Variants in TDRD3 observed in about 807,000 individuals in gnomAD.
TDRD3 encodes the protein tudor domain-containing protein 3.
A neutral mutation model predicts 86.7 loss-of-function variants in TDRD3; 45 were observed. That is an observed-to-expected ratio of 0.52 (90% confidence interval 0.41 to 0.67). The LOEUF is 0.67. Among genes scored for constraint, TDRD3 ranks in the 30% least tolerant of loss-of-function variants. The pLI, the probability that TDRD3 is intolerant of heterozygous loss-of-function variation, is 0.00. For synonymous variants in TDRD3, 298 were observed against 301.7 expected (o/e 0.99, Z 0.13); for missense variants, 814 against 889.0 (o/e 0.92, Z 1.07).
intron 3 of TDRD3, among the ~76,000 whole-genome samples, chr13:60,454,977 G>A (rs890847182): frequency 6.6e-6 from 1 of 151,968 alleles, no homozygotes; most frequent in African/African-American, 2.4e-5. Flanking sequence ...GCAGTGGCGC[G>A]ATCTCGGCTC....
At chr13:60,510,818 A>C (rs977321052) in intron 10 of TDRD3, 63 bp downstream of exon 10, 16 of 992,176 alleles carry the variant, frequency 1.6e-5, no homozygotes, top group African/African-American at 2.5e-5. Context: ...TTTTTTTTTT[A>C]GCGTATTTCT....
intron 12 of TDRD3, among the ~76,000 whole-genome samples, chr13:60,563,132 G>A (rs1398439668): frequency 1.3e-5 from 2 of 151,914 alleles, no homozygotes; most frequent in African/African-American, 2.4e-5. Flanking sequence ...GGAGGCTGAG[G>A]GGGGAGAATC....
At chr13:60,420,901 G>T (rs112238294) in intron 1 of TDRD3, among the ~76,000 whole-genome samples, 3 of 152,096 alleles carry the variant, frequency 2.0e-5, no homozygotes, top group Non-Finnish European at 4.4e-5. Context: ...CCGAGATCAC[G>T]TCACTGTGCT....
chr13:60,535,365 A>G (rs1957676979), intron 12 of TDRD3, 132 bp downstream of exon 12: 5 of 992,546 alleles, frequency 5.0e-6, no homozygotes, highest in Non-Finnish European at 6.8e-6. Context: ...GGCTACCCCT[A>G]AAGTAAGATT....
At chr13:60,443,106 G>C (rs1477536377) in intron 2 of TDRD3, among the ~76,000 whole-genome samples, 1 of 151,788 alleles carries the variant, frequency 6.6e-6, no homozygotes, top group Non-Finnish European at 1.5e-5. Context: ...TGTATGTTCA[G>C]ATGATTAAAA....
At chr13:60,485,969 A>G (rs377743527) in intron 7 of TDRD3, 21 bp downstream of exon 7, 59 of 1,583,396 alleles carry the variant, frequency 3.7e-5, no homozygotes, top group Non-Finnish European at 4.9e-5. Context: ...AAATCATTAC[A>G]CGTTTTATTT....
chr13:60,419,788 TTAAAG>T (rs553449572), intron 1 of TDRD3, among the ~76,000 whole-genome samples: 233 of 151,008 alleles, frequency 1.5e-3, no homozygotes, highest in Non-Finnish European at 2.0e-3. Flanking sequence ...ATCCCAGAAC[TTAAAG>T]TAAAATAAAA....
intron 1 of TDRD3, among the ~76,000 whole-genome samples, chr13:60,429,913 C>T (rs1954911300): frequency 6.6e-6 from 1 of 152,070 alleles, no homozygotes; most frequent in African/African-American, 2.4e-5. Flanking sequence ...TAAACAAGGG[C>T]ACCATGTTTA....
rs150762487 is a variant in TDRD3, at chr13:60,474,169, G to A, written c.495+6790G>A. Among the ~76,000 whole-genome samples, 74 of 152,270 alleles carry A rather than the reference G, an allele frequency of 4.9e-4. 1 individual carries two copies. In the East Asian group the frequency reaches 0.014, roughly 29 times the overall value. On this transcript the variant is annotated intron_variant, in intron 5 of 13. Transcript: ENST00000377881. ...CTTTGAAATGCATAGAAGAAATAATGGCGTAAGCTGTCCTCTCTCTCTCTC... is the reference window on the plus strand; with the variant it reads ...CTTTGAAATGCATAGAAGAAATAATAGCGTAAGCTGTCCTCTCTCTCTCTC...
Position 60,509,862 on chromosome 13 carries a change from C to A in TDRD3, c.958C>A (p.Leu320Met). ...MDNGNNLEAA[L>M]NVLLTSNKQK... ...TAATGGCAACAACTTAGAAGCAGCA[C>A]TGAACGTACTTCTTACAAGCAATAA... The change falls in exon 9 of 14, where the codon CTG (leucine) becomes ATG (methionine). Residue 320 changes from leucine (L) to methionine (M), a missense_variant. Leu to Met is a conservative substitution (Grantham distance 15). Transcript: ENST00000377881. 1 of 1,613,852 alleles carries A rather than the reference C, an allele frequency of 6.2e-7. No homozygotes were observed. The highest frequency in any genetic ancestry group is 8.5e-7 in the Non-Finnish European group (1 of 1,179,766).
chr13:60,466,655 G>A (rs1268458045), intron 4 of TDRD3, among the ~76,000 whole-genome samples: 2 of 152,068 alleles, frequency 1.3e-5, no homozygotes, highest in African/African-American at 4.8e-5. Context: ...GGTCGTGGGG[G>A]CGCATGCCTG....
At chr13:60,540,407 G>A (rs562636061) in intron 12 of TDRD3, among the ~76,000 whole-genome samples, 1 of 152,252 alleles carries the variant, frequency 6.6e-6, no homozygotes, top group East Asian at 1.9e-4. Context: ...CTATCACCCA[G>A]CCTTTTACCA....
chr13:60,469,428 A>G (rs917737855), intron 5 of TDRD3, among the ~76,000 whole-genome samples: 2 of 150,302 alleles, frequency 1.3e-5, no homozygotes, highest in African/African-American at 2.5e-5. Flanking sequence ...CAACACACAC[A>G]CACACATACA....
intron 1 of TDRD3, among the ~76,000 whole-genome samples, chr13:60,428,475 G>C (rs1954866298): frequency 6.6e-6 from 1 of 152,050 alleles, no homozygotes; most frequent in African/African-American, 2.4e-5. Flanking sequence ...ATCAGCTGAA[G>C]AAAGGCCGAT....
At chr13:60,573,524 C>G in intron 13 of TDRD3, 92 bp from the exon 14 acceptor site, 2 of 735,284 alleles carry the variant, frequency 2.7e-6, no homozygotes, top group Non-Finnish European at 3.3e-6. Flanking sequence ...TTCACATTTA[C>G]AGATAAGTTT....
At chr13:60,568,916 A>G (rs1958522075) in intron 13 of TDRD3, among the ~76,000 whole-genome samples, 2 of 152,218 alleles carry the variant, frequency 1.3e-5, no homozygotes, top group Non-Finnish European at 2.9e-5. Flanking sequence ...CAAAATCAAC[A>G]TACAAAAATG....
intron 5 of TDRD3, among the ~76,000 whole-genome samples, chr13:60,474,196 G>T (rs1272851507): frequency 6.6e-6 from 1 of 152,088 alleles, no homozygotes; most frequent in Non-Finnish European, 1.5e-5. Flanking sequence ...CTCTCTCTCC[G>T]CCTTGGCTGC....
At chr13:60,532,497 G>GT (rs1243288791) in intron 11 of TDRD3, among the ~76,000 whole-genome samples, 1 of 152,142 alleles carries the variant, frequency 6.6e-6, no homozygotes, top group Non-Finnish European at 1.5e-5. Flanking sequence ...ACTTTCCAGT[G>GT]TTTTTTAGGC....
At chr13:60,442,409 G>T (rs1374791391) in intron 2 of TDRD3, among the ~76,000 whole-genome samples, 2 of 151,944 alleles carry the variant, frequency 1.3e-5, no homozygotes, top group Non-Finnish European at 2.9e-5. Flanking sequence ...GTGTGCATAT[G>T]TATGTGTGCG....
Sources: gnomAD v4.1 joint callset for allele counts (sites outside exome capture counted in the v4.1 genomes callset) on GRCh38, gnomAD v4.1.1 for gene constraint, MANE v1.5 for transcripts, NCBI Gene and HGNC (gene_info 2026-07-23, HGNC 2026-07-21) for gene names.